COL10A1: variants seen among roughly 807,000 people sequenced by gnomAD.
The protein encoded by COL10A1 is collagen type X alpha 1 chain.
COL10A1 carries 10 observed loss-of-function variants against 18.2 expected under a neutral mutation model. That is an observed-to-expected ratio of 0.55 (90% CI 0.34 to 0.93). The LOEUF is 0.93. Ranked by LOEUF, COL10A1 falls within the 40% of genes least tolerant of loss-of-function variation. The pLI, the probability that COL10A1 is intolerant of heterozygous loss-of-function variation, is 0.02. For synonymous variants in COL10A1, 330 were observed against 316.6 expected (o/e 1.04, Z -0.45); for missense variants, 897 against 853.5 (o/e 1.05, Z -0.64).
the COL10A1 span, among the ~76,000 whole-genome samples, chr6:116,165,258 C>T: frequency 2.2e-4 from 34 of 152,032 alleles, no homozygotes; most frequent in African/African-American, 7.2e-4. Context: ...TTTCTAGTGG[C>T]GTTTAAGATT....
chr6:116,203,634 C>T, the COL10A1 span, among the ~76,000 whole-genome samples: 9 of 151,754 alleles, frequency 5.9e-5, no homozygotes, highest in African/African-American at 1.2e-4. Context: ...CCTTGGTAGA[C>T]GTGAGTTAAT....
At chr6:116,143,411 A>G (rs1474859880) in intron 1 of COL10A1, among the ~76,000 whole-genome samples, 2 of 152,070 alleles carry the variant, frequency 1.3e-5, no homozygotes, top group Non-Finnish European at 2.9e-5. Context: ...ACGGTGTTTC[A>G]CCATGTTGGC....
intron 1 of COL10A1, among the ~76,000 whole-genome samples, chr6:116,133,583 C>T (rs193167596): frequency 4.6e-4 from 70 of 152,236 alleles, no homozygotes; most frequent in African/African-American, 1.4e-3. Context: ...ATCGTCAAAA[C>T]GGATACTTAT....
the COL10A1 span, among the ~76,000 whole-genome samples, chr6:116,185,364 T>G: frequency 6.6e-6 from 1 of 152,246 alleles, no homozygotes; most frequent in African/African-American, 2.4e-5. Flanking sequence ...GTTCTGAAAA[T>G]ATCTGTTAAG....
chr6:116,152,704 A>G (rs1176069636), intron 1 of COL10A1, among the ~76,000 whole-genome samples: 4 of 152,000 alleles, frequency 2.6e-5, no homozygotes, highest in Admixed American at 2.0e-4. Context: ...TTTTTCCTCC[A>G]TCTTTTTACA....
the COL10A1 span, among the ~76,000 whole-genome samples, chr6:116,212,273 A>G: frequency 6.6e-6 from 1 of 152,066 alleles, no homozygotes; most frequent in Non-Finnish European, 1.5e-5. Flanking sequence ...AGAAGATATG[A>G]CTGATACAAA....
intron 1 of COL10A1, among the ~76,000 whole-genome samples, chr6:116,147,366 C>T (rs1011459647): frequency 9.9e-5 from 15 of 151,770 alleles, no homozygotes; most frequent in African/African-American, 3.1e-4. Context: ...TGCTTGAACC[C>T]GGGAGGCAGA....
the COL10A1 span, among the ~76,000 whole-genome samples, chr6:116,163,784 G>C: frequency 4.6e-5 from 7 of 152,204 alleles, no homozygotes; most frequent in South Asian, 1.5e-3. Flanking sequence ...TGCTTTTGCT[G>C]TATCCTAGAT....
chr6:116,213,261 A>AG, the COL10A1 span, among the ~76,000 whole-genome samples: 1 of 152,086 alleles, frequency 6.6e-6, no homozygotes, highest in African/African-American at 2.4e-5. Flanking sequence ...TGGATGTCCA[A>AG]GGGGCTCACT....
chr6:116,212,705 G>GT, the COL10A1 span, among the ~76,000 whole-genome samples: 1 of 151,936 alleles, frequency 6.6e-6, no homozygotes, highest in Non-Finnish European at 1.5e-5. Flanking sequence ...GGGAGGCAGG[G>GT]GAACAAACAT....
At chr6:116,184,607 A>G in the COL10A1 span, among the ~76,000 whole-genome samples, 2 of 151,956 alleles carry the variant, frequency 1.3e-5, no homozygotes, top group Non-Finnish European at 2.9e-5. Flanking sequence ...TCCTGGTTTA[A>G]ACTAGGAGGG....
chr6:116,158,427 T>C (rs1388625107), intron 1 of COL10A1, among the ~76,000 whole-genome samples: 1 of 152,232 alleles, frequency 6.6e-6, no homozygotes, highest in Non-Finnish European at 1.5e-5. Context: ...CTTTGCTTAG[T>C]GAAGACAAGA....
the COL10A1 span, among the ~76,000 whole-genome samples, chr6:116,197,897 C>T: frequency 2.6e-5 from 4 of 152,034 alleles, no homozygotes; most frequent in African/African-American, 9.7e-5. Context: ...CACATGTCTA[C>T]TTCATTAGGA....
chr6:116,129,737 C>G (rs1779416878), upstream of COL10A1, among the ~76,000 whole-genome samples: 1 of 152,156 alleles, frequency 6.6e-6, no homozygotes, highest in Admixed American at 6.6e-5. Context: ...ATGGACTAAA[C>G]CTGTTACTCT....
chr6:116,138,078 A>G (rs1187140591), intron 1 of COL10A1, among the ~76,000 whole-genome samples: 3 of 152,068 alleles, frequency 2.0e-5, no homozygotes, highest in Non-Finnish European at 4.4e-5. Flanking sequence ...ACTCTGCTCA[A>G]AAAAAAAGAA....
intron 1 of COL10A1, among the ~76,000 whole-genome samples, chr6:116,140,526 T>C (rs1779740473): frequency 6.6e-6 from 1 of 152,148 alleles, no homozygotes; most frequent in Non-Finnish European, 1.5e-5. Flanking sequence ...TGTATGTGTA[T>C]CTGCTACCCA....
the COL10A1 span, among the ~76,000 whole-genome samples, chr6:116,209,095 A>G: frequency 6.6e-6 from 1 of 152,052 alleles, no homozygotes; most frequent in Non-Finnish European, 1.5e-5. Flanking sequence ...ACTTTCTAGT[A>G]ATAGTGCATT....
chr6:116,176,631 G>A, the COL10A1 span, among the ~76,000 whole-genome samples: 1 of 152,150 alleles, frequency 6.6e-6, no homozygotes, highest in African/African-American at 2.4e-5. Flanking sequence ...GCAGTCTTGT[G>A]CCCATAATAG....
At chr6:116,215,972 C>G in the COL10A1 span, among the ~76,000 whole-genome samples, 1 of 152,022 alleles carries the variant, frequency 6.6e-6, no homozygotes, top group Non-Finnish European at 1.5e-5. Flanking sequence ...TTAAACTGTT[C>G]GAATAATTTT....
Sources: gnomAD v4.1 joint callset for allele counts (sites outside exome capture counted in the v4.1 genomes callset) on GRCh38, gnomAD v4.1.1 for gene constraint, MANE v1.5 for transcripts, NCBI Gene and HGNC (gene_info 2026-07-23, HGNC 2026-07-21) for gene names.